BMPR1B: variants seen among roughly 807,000 people sequenced by gnomAD.
BMPR1B encodes the protein bone morphogenetic protein receptor type 1B.
Under a neutral mutation model 59.1 loss-of-function variants are expected in BMPR1B, and 12 were observed. The observed-to-expected ratio is 0.20, with a 90% CI of 0.13 to 0.33. BMPR1B has a LOEUF of 0.33. BMPR1B is among the 10% of genes least tolerant of loss of function. BMPR1B has a pLI of 1.00. For missense variants in BMPR1B, 550 were observed against 610.9 expected (o/e 0.90, Z 1.05); for synonymous variants, 237 against 207.3 (o/e 1.14, Z -1.23).
intron 10 of BMPR1B, among the ~76,000 whole-genome samples, chr4:95,134,958 A>T (rs1224322052): frequency 2.0e-5 from 3 of 152,128 alleles, no homozygotes; most frequent in Non-Finnish European, 4.4e-5. Flanking sequence ...CTGAATGGTA[A>T]TGCCTGGGTT....
At chr4:94,814,425 C>T (rs1175338839) in intron 1 of BMPR1B, among the ~76,000 whole-genome samples, 1 of 152,166 alleles carries the variant, frequency 6.6e-6, no homozygotes, top group Non-Finnish European at 1.5e-5. Flanking sequence ...AAGTTTCTGA[C>T]AGGCTCATAC....
At chr4:94,995,291 A>G (rs1721989612) in intron 2 of BMPR1B, among the ~76,000 whole-genome samples, 1 of 152,204 alleles carries the variant, frequency 6.6e-6, no homozygotes, top group Non-Finnish European at 1.5e-5. Flanking sequence ...ATTTTAGGTT[A>G]TATTTTAGCA....
intron 2 of BMPR1B, among the ~76,000 whole-genome samples, chr4:94,940,858 T>G (rs1479764420): frequency 1.3e-5 from 2 of 152,208 alleles, no homozygotes; most frequent in Non-Finnish European, 2.9e-5. Context: ...GCATAGACTT[T>G]TAACTGGTTT....
intron 3 of BMPR1B, among the ~76,000 whole-genome samples, chr4:95,081,586 A>G (rs1277564308): frequency 1.3e-5 from 2 of 152,170 alleles, no homozygotes; most frequent in Non-Finnish European, 2.9e-5. Flanking sequence ...CTGTTGTTTC[A>G]TATTCATGCA....
At chr4:94,771,514 A>T (rs2110572479) in intron 1 of BMPR1B, among the ~76,000 whole-genome samples, 1 of 152,332 alleles carries the variant, frequency 6.6e-6, no homozygotes, top group Middle Eastern at 3.4e-3. Context: ...AAGGTTGATA[A>T]TTAAAGAGCC....
chr4:94,819,671 A>G (rs1399516782), intron 1 of BMPR1B, among the ~76,000 whole-genome samples: 1 of 152,130 alleles, frequency 6.6e-6, no homozygotes, highest in Non-Finnish European at 1.5e-5. Flanking sequence ...CACATATAAC[A>G]TTGGTTGTGA....
At chr4:95,022,931 C>T (rs1724097939) in intron 3 of BMPR1B, among the ~76,000 whole-genome samples, 1 of 152,108 alleles carries the variant, frequency 6.6e-6, no homozygotes, top group South Asian at 2.1e-4. Flanking sequence ...ACCAATAATG[C>T]CTTGGTGTTC....
chr4:94,955,139 C>G (rs184503623), intron 2 of BMPR1B, among the ~76,000 whole-genome samples: 1 of 152,116 alleles, frequency 6.6e-6, no homozygotes, highest in Non-Finnish European at 1.5e-5. Context: ...TGATCAGTAC[C>G]GTTATGGTGT....
chr4:94,814,404 T>C (rs1723934006), intron 1 of BMPR1B, among the ~76,000 whole-genome samples: 1 of 152,236 alleles, frequency 6.6e-6, no homozygotes. Flanking sequence ...CTCCTTCTGC[T>C]TTTCAGTAAT....
intron 3 of BMPR1B, among the ~76,000 whole-genome samples, chr4:95,037,557 T>C (rs958456917): frequency 7.9e-5 from 12 of 152,178 alleles, no homozygotes; most frequent in Non-Finnish European, 1.5e-4. Context: ...TTCAGTATTC[T>C]TTTAAATGAG....
At chr4:95,082,253 G>C (rs760615152) in intron 3 of BMPR1B, among the ~76,000 whole-genome samples, 9 of 149,948 alleles carry the variant, frequency 6.0e-5, no homozygotes, top group Non-Finnish European at 1.0e-4. Context: ...ACTGTATCCA[G>C]ACACACAGAA....
chr4:94,994,764 G>A (rs1721957128), intron 2 of BMPR1B, among the ~76,000 whole-genome samples: 1 of 151,362 alleles, frequency 6.6e-6, no homozygotes, highest in South Asian at 2.1e-4. Context: ...TTTTCTGGCT[G>A]TAATATTTGC....
At chr4:94,816,396 G>A (rs1178854141) in intron 1 of BMPR1B, among the ~76,000 whole-genome samples, 1 of 152,010 alleles carries the variant, frequency 6.6e-6, no homozygotes, top group African/African-American at 2.4e-5. Context: ...TCGAACTCCT[G>A]ACCTCGTGAT....
chr4:94,810,380 A>G (rs545418987), intron 1 of BMPR1B, among the ~76,000 whole-genome samples: 2 of 152,304 alleles, frequency 1.3e-5, no homozygotes, highest in South Asian at 2.1e-4. Context: ...CATATTACCA[A>G]TGGTTGAATA....
intron 2 of BMPR1B, among the ~76,000 whole-genome samples, chr4:94,963,184 A>G (rs902970017): frequency 1.3e-5 from 2 of 152,060 alleles, no homozygotes; most frequent in African/African-American, 4.8e-5. Context: ...CATTATCATT[A>G]TTCTTAATAT....
intron 6 of BMPR1B, 145 bp downstream of exon 6, chr4:95,115,932 A>G: frequency 1.4e-6 from 1 of 731,792 alleles, no homozygotes; most frequent in South Asian, 1.6e-5. Context: ...TGGAACCATC[A>G]TTCGAAGACA....
chr4:94,829,782 AATC>A (rs1338297694), intron 1 of BMPR1B, among the ~76,000 whole-genome samples: 2 of 152,326 alleles, frequency 1.3e-5, no homozygotes, highest in South Asian at 2.1e-4. Flanking sequence ...TACCTGTTAT[AATC>A]CCCAAGGTCA....
At chr4:94,826,138 G>C (rs1578686794) in intron 1 of BMPR1B, among the ~76,000 whole-genome samples, 1 of 152,142 alleles carries the variant, frequency 6.6e-6, no homozygotes, top group African/African-American at 2.4e-5. Context: ...TGACAGAATG[G>C]TACTTAATGT....
chr4:94,941,131 A>G (rs1259024250), intron 2 of BMPR1B, among the ~76,000 whole-genome samples: 1 of 152,182 alleles, frequency 6.6e-6, no homozygotes, highest in Non-Finnish European at 1.5e-5. Context: ...TTTAGGTGAT[A>G]AAAGAAAATA....
Sources: allele counts gnomAD v4.1 joint callset (sites outside exome capture counted in the v4.1 genomes callset), GRCh38; gene constraint gnomAD v4.1.1; transcripts MANE v1.5; gene names NCBI Gene and HGNC (gene_info 2026-07-23, HGNC 2026-07-21).